Variants in REG4 observed in about 807,000 individuals in gnomAD.
REG4 encodes the protein regenerating family member 4.
REG4 carries 16 observed loss-of-function variants against 22.3 expected under a neutral mutation model. The observed-to-expected ratio is 0.72, with a 90% confidence interval of 0.49 to 1.09. The LOEUF (loss-of-function observed/expected upper bound fraction) is 1.09, where lower values mean the gene tolerates loss of function less well. Among genes scored for constraint, REG4 ranks in the 50% least tolerant of loss-of-function variants. The pLI is 0.00. For synonymous variants in REG4, 71 were observed against 69.2 expected (o/e 1.03, Z -0.13); for missense variants, 214 against 193.9 (o/e 1.10, Z -0.61).
At chr1:119,794,779 C>T (rs1177657876) in intron 5 of REG4, 94 bp from the exon 6 acceptor site, 7 of 1,067,326 alleles carry the variant, frequency 6.6e-6, no homozygotes, top group African/African-American at 1.6e-5. Flanking sequence ...ATAGATAAGG[C>T]AATATGATGG....
At chr1:119,798,884 T>C (rs1654012099) in intron 4 of REG4, among the ~76,000 whole-genome samples, 1 of 152,190 alleles carries the variant, frequency 6.6e-6, no homozygotes, top group South Asian at 2.1e-4. Flanking sequence ...GTAAAATTTC[T>C]GATAGTCAAA....
At chr1:119,802,814 G>A (rs1331884792) in intron 3 of REG4, 12 of 1,515,088 alleles carry the variant, frequency 7.9e-6, no homozygotes, top group Non-Finnish European at 1.1e-5. Flanking sequence ...CTTGCTGAGG[G>A]TAGGGGCTCT....
intron 3 of REG4, chr1:119,801,825 T>C (rs931468108): frequency 2.0e-5 from 3 of 152,310 alleles, no homozygotes; most frequent in Non-Finnish European, 4.4e-5. Flanking sequence ...AGGTTCAGTG[T>C]CAATCCTGTG....
At chr1:119,808,980 C>A (rs1239171060) in intron 1 of REG4, 117 bp from the exon 2 acceptor site, 1 of 507,604 alleles carries the variant, frequency 2.0e-6, no homozygotes, top group African/African-American at 2.0e-5. Context: ...TGAAGGGAAT[C>A]TCAAGTTAGA....
At chr1:119,810,503 T>C (rs1654462035) in intron 1 of REG4, among the ~76,000 whole-genome samples, 1 of 152,194 alleles carries the variant, frequency 6.6e-6, no homozygotes, top group Admixed American at 6.5e-5. Flanking sequence ...GAGACAAAGC[T>C]TGGAGAGTGT....
At chr1:119,809,484 A>G (rs988301632) in intron 1 of REG4, among the ~76,000 whole-genome samples, 1 of 152,204 alleles carries the variant, frequency 6.6e-6, no homozygotes, top group Non-Finnish European at 1.5e-5. Context: ...TCAATGCAAA[A>G]CTAGAAAATA....
chr1:119,799,511 A>G (rs1159829804), intron 4 of REG4, among the ~76,000 whole-genome samples: 1 of 152,178 alleles, frequency 6.6e-6, no homozygotes, highest in East Asian at 1.9e-4. Context: ...TTAATTAGAC[A>G]AAGGTCTATA....
chr1:119,808,704 A>G lies in REG4; in HGVS notation c.66T>C (p.Gly22=), dbSNP rs77250186. The G allele has an allele frequency of 5.0e-5, 80 of 1,612,772 alleles. No homozygotes were observed. In the African/African-American group the frequency reaches 9.5e-4, roughly 19 times the overall value. ...TCCAGCTACGTGATGGATACTCACC[A>G]CCCAGGACTCCTGTTTTGGCCAGGC... The part of the protein sequence containing the change: ...LSCLAKTGVL[G]DIIMRPSCAP... The change falls in exon 2 of 6, where the codon GGT becomes GGC. Residue 22 remains glycine (G), a splice_region_variant and synonymous_variant. Coordinates refer to ENST00000256585, the MANE Select transcript of REG4 (RefSeq NM_032044.4).
chr1:119,799,444 A>G (rs1471314707), intron 4 of REG4, among the ~76,000 whole-genome samples: 1 of 113,644 alleles, frequency 8.8e-6, no homozygotes, highest in Non-Finnish European at 1.9e-5. Flanking sequence ...ACACACACAC[A>G]CACTTTTTAA....
At chr1:119,798,672 A>T in intron 4 of REG4, 70 bp from the exon 5 acceptor site, 1 of 1,119,584 alleles carries the variant, frequency 8.9e-7, no homozygotes, top group Admixed American at 1.8e-5. Flanking sequence ...AAGTCCCCTC[A>T]GTCCCCTTTA....
intron 1 of REG4, among the ~76,000 whole-genome samples, chr1:119,809,771 G>A (rs1278836486): frequency 1.3e-5 from 2 of 152,014 alleles, no homozygotes; most frequent in African/African-American, 4.8e-5. Context: ...AAAATGTATG[G>A]GCTGTGATAT....
Position 119,794,382 on chromosome 1 carries a change from G to A in REG4, c.*236C>T, listed in dbSNP as rs79171404. On this transcript the variant is annotated 3_prime_UTR_variant, in exon 6 of 6. Coordinates refer to ENST00000256585, the MANE Select transcript of REG4 (RefSeq NM_032044.4). ...GCTCGAGACAGCCAGAGACAGGGGA[G>A]GAGGGAAGAAGGATACTGTGGAAAG... 4 of 614,476 alleles carry A rather than the reference G, an allele frequency of 6.5e-6. No homozygotes were observed. In the South Asian group the frequency reaches 7.4e-5, roughly 11 times the overall value. The allele number at this position is 614,476 out of a possible 1,614,324, so 38.1% of individuals were successfully genotyped here.
At chr1:119,806,649 T>A (rs1436105316) in intron 2 of REG4, among the ~76,000 whole-genome samples, 1 of 152,126 alleles carries the variant, frequency 6.6e-6, no homozygotes, top group Non-Finnish European at 1.5e-5. Flanking sequence ...ATGGGGAGTG[T>A]GGTGGAAACT....
intron 5 of REG4, among the ~76,000 whole-genome samples, chr1:119,796,501 C>T (rs1189393228): frequency 6.6e-6 from 1 of 152,056 alleles, no homozygotes; most frequent in Non-Finnish European, 1.5e-5. Flanking sequence ...ACAGCCCTGT[C>T]ACAAAGAGAG....
intron 2 of REG4, among the ~76,000 whole-genome samples, chr1:119,805,979 T>G (rs1042186435): frequency 6.6e-6 from 1 of 152,220 alleles, no homozygotes; most frequent in African/African-American, 2.4e-5. Context: ...TCGCCCAGGC[T>G]GGAGGGCAGC....
chr1:119,795,950 A>G (rs1348000067), intron 5 of REG4, among the ~76,000 whole-genome samples: 2 of 152,200 alleles, frequency 1.3e-5, no homozygotes, highest in Non-Finnish European at 2.9e-5. Flanking sequence ...GCTTCAAACA[A>G]TCAAGCACAG....
rs587688710 is a variant in REG4, at chr1:119,795,829, G to A, written c.410-1144C>T. On this transcript the variant is annotated intron_variant, in intron 5 of 5. Transcript: ENST00000256585. ...GCTTGTGGGTACTTTCACAGTGTGGGGCAAAGAGAATACGGCACAAGGCCA... is the reference window on the plus strand; with the variant it reads ...GCTTGTGGGTACTTTCACAGTGTGGAGCAAAGAGAATACGGCACAAGGCCA... Among the ~76,000 whole-genome samples, 3 of 152,356 alleles carry A rather than the reference G, an allele frequency of 2.0e-5. No individual in the cohort carries two copies. The East Asian group carries it at 5.8e-4, about 29-fold the overall frequency.
intron 3 of REG4, 108 bp downstream of exon 3, chr1:119,802,960 T>C: frequency 6.4e-7 from 1 of 1,572,776 alleles, no homozygotes; most frequent in East Asian, 2.3e-5. Context: ...GGGGCTTCTC[T>C]TCATAGTGCC....
chr1:119,808,708 A>G lies in REG4; in HGVS notation c.62T>C (p.Leu21Pro). 1 of 1,613,192 alleles carries G rather than the reference A, an allele frequency of 6.2e-7. No homozygotes were observed. The highest frequency in any genetic ancestry group is 8.5e-7 in the Non-Finnish European group (1 of 1,179,158). The change falls in exon 2 of 6, where the codon CTG becomes CCG. Residue 21 changes from leucine to proline, a missense_variant. By Grantham distance (98) the Leu-to-Pro change is moderately conservative (BLOSUM62 -3). Transcript: ENST00000256585. ...LLSCLAKTGV[L>P]GDIIMRPSCA... ...GCTACGTGATGGATACTCACCACCC[A>G]GGACTCCTGTTTTGGCCAGGCAGCT...
Sources: gnomAD v4.1 joint callset for allele counts (sites outside exome capture counted in the v4.1 genomes callset) on GRCh38, gnomAD v4.1.1 for gene constraint, MANE v1.5 for transcripts, NCBI Gene and HGNC (gene_info 2026-07-23, HGNC 2026-07-21) for gene names.